EXOC7: variants seen among roughly 807,000 people sequenced by gnomAD.
EXOC7 encodes exocyst complex component Exo70.
Under a neutral mutation model 87.6 loss-of-function variants are expected in EXOC7, and 51 were observed. That is an observed-to-expected ratio of 0.58 (90% CI 0.46 to 0.73). The LOEUF (loss-of-function observed/expected upper bound fraction) is 0.73, where lower values mean the gene tolerates loss of function less well. EXOC7 is among the 30% of genes least tolerant of loss of function. EXOC7 has a pLI of 0.00. For missense variants in EXOC7, 744 were observed against 888.4 expected (o/e 0.84, Z 2.07); for synonymous variants, 327 against 357.1 (o/e 0.92, Z 0.95).
At chr17:76,093,362 G>C (rs1264210153) in intron 6 of EXOC7, 1 of 152,614 alleles carries the variant, frequency 6.6e-6, no homozygotes, top group Non-Finnish European at 1.5e-5. Flanking sequence ...TACTCCCTGA[G>C]GGCAGCCCCT....
chr17:76,103,700 A>G lies in EXOC7; in HGVS notation c.-8T>C. ...CTCCTGTGGGGGAATCATCGCTCTG[A>G]ACCCCGCGGCTCCCACTCCCCAGTA... On this transcript the variant is annotated 5_prime_UTR_variant, in exon 1 of 19. Transcript: ENST00000589210. 6.2e-7 allele frequency: 1 copy of G among 1,604,436 alleles called. No homozygotes were observed. The highest frequency in any genetic ancestry group is 8.5e-7 in the Non-Finnish European group (1 of 1,175,880).
chr17:76,085,234 T>C lies in EXOC7; in HGVS notation c.1712+80A>G, dbSNP rs536170332. ...GACAGGAGTTCCCCGTGACCGACTC[T>C]GTGTCCTGAGGTGCTGAGAAGGAAG... On this transcript the variant is annotated intron_variant, in intron 15 of 18. Transcript: ENST00000589210. 6 of 1,180,346 alleles carry C rather than the reference T, an allele frequency of 5.1e-6. No individual in the cohort carries two copies. In the Admixed American group the frequency reaches 6.0e-5, roughly 12 times the overall value. 73.1% of individuals were successfully genotyped at this position (1,180,346 alleles called of 1,614,324 possible).
intron 6 of EXOC7, 124 bp from the exon 7 acceptor site, chr17:76,091,359 T>C: frequency 1.4e-6 from 1 of 709,616 alleles, no homozygotes; most frequent in South Asian, 1.7e-5. Flanking sequence ...AGCAGGCCTT[T>C]CCCTGAGACC....
intron 1 of EXOC7, 49 bp from the exon 2 acceptor site, chr17:76,103,475 A>G: frequency 6.4e-7 from 1 of 1,561,726 alleles, no homozygotes; most frequent in South Asian, 1.2e-5. Flanking sequence ...AAGCTAAAGG[A>G]GACCACTGCG....
chr17:76,082,775 C>T lies in EXOC7; in HGVS notation c.*873G>A, dbSNP rs1025863311. On this transcript the variant is annotated 3_prime_UTR_variant, in exon 19 of 19. Transcript: ENST00000589210. ...CTCTCCCTCCGCTAGCACACAAGCA[C>T]AGAGCGTGAAATAAACCCATCTCCA... The T allele has an allele frequency of 9.2e-6, 9 of 980,772 alleles. No individual in the cohort carries two copies. The highest frequency in any genetic ancestry group is 2.7e-5 in the East Asian group (1 of 36,634). 60.8% of individuals were successfully genotyped at this position (980,772 alleles called of 1,614,324 possible).
chr17:76,087,943 A>G, intron 11 of EXOC7, 117 bp downstream of exon 11: 1 of 1,203,082 alleles, frequency 8.3e-7, no homozygotes, highest in Non-Finnish European at 1.2e-6. Context: ...CTGCTCACAA[A>G]GGTGCGAGCG....
chr17:76,100,505 C>T (rs1038271893), intron 4 of EXOC7, among the ~76,000 whole-genome samples: 3 of 151,466 alleles, frequency 2.0e-5, no homozygotes, highest in African/African-American at 4.8e-5. Flanking sequence ...AGAGTGGTGG[C>T]GCACACCCTC....
chr17:76,088,378 T>G, intron 10 of EXOC7, 86 bp downstream of exon 10: 1 of 1,365,438 alleles, frequency 7.3e-7, no homozygotes, highest in Non-Finnish European at 1.0e-6. Flanking sequence ...CGCACCCTCT[T>G]GGAGGCCTGC....
intron 7 of EXOC7, chr17:76,090,229 A>G: frequency 7.3e-7 from 1 of 1,362,718 alleles, no homozygotes; most frequent in Non-Finnish European, 1.0e-6. Flanking sequence ...CCATCCTCAG[A>G]GCAGAGTGGG....
intron 6 of EXOC7, 32 bp from the exon 7 acceptor site, chr17:76,091,267 G>A: frequency 6.3e-7 from 1 of 1,591,360 alleles, no homozygotes; most frequent in Non-Finnish European, 8.6e-7. Flanking sequence ...GAGGAGATAA[G>A]AAGACCTAGG....
chr17:76,088,388 C>T, intron 10 of EXOC7, 76 bp downstream of exon 10: 3 of 1,438,440 alleles, frequency 2.1e-6, no homozygotes, highest in Non-Finnish European at 2.9e-6. Flanking sequence ...TGGAGGCCTG[C>T]TCTGAGAGTC....
chr17:76,099,210 A>G (rs2067935233), intron 4 of EXOC7, among the ~76,000 whole-genome samples: 1 of 152,238 alleles, frequency 6.6e-6, no homozygotes. Context: ...AAATGGCTAA[A>G]GAAAATGTGG....
chr17:76,087,569 T>G, intron 12 of EXOC7, 85 bp downstream of exon 12: 2 of 1,347,668 alleles, frequency 1.5e-6, no homozygotes, highest in South Asian at 2.5e-5. Flanking sequence ...TGGAGATACC[T>G]CCTCACTGCT....
chr17:76,094,384 T>C, intron 6 of EXOC7, 30 bp downstream of exon 6: 1 of 1,600,674 alleles, frequency 6.2e-7, no homozygotes, highest in South Asian at 1.1e-5. Flanking sequence ...CCTCTGGCTG[T>C]TGCAGAGATG....
In EXOC7 at chr17:76,084,691, A is replaced by G. The variant is rs937733509; in HGVS notation, c.1713-111T>C. The G allele has an allele frequency of 2.7e-5, 24 of 882,980 alleles. No homozygotes were observed. In the African/African-American group the frequency reaches 3.8e-4, roughly 14 times the overall value. 54.7% of individuals were successfully genotyped at this position (882,980 alleles called of 1,614,324 possible). On this transcript the variant is annotated intron_variant, in intron 15 of 18. Transcript: ENST00000589210. ...ACTTGGTGGGTGGTGGTAGGAAGGG[A>G]TGTGGGTCACAACTAAGCAAACAAC...
intron 2 of EXOC7, 169 bp downstream of exon 2, chr17:76,103,192 A>AG: frequency 3.2e-6 from 2 of 630,680 alleles, no homozygotes; most frequent in South Asian, 3.7e-5. Context: ...GAACATGGGG[A>AG]GGGGGCTAGG....
chr17:76,087,261 C>T (rs1438136275), intron 12 of EXOC7: 3 of 373,268 alleles, frequency 8.0e-6, no homozygotes, highest in Non-Finnish European at 1.5e-5. Context: ...AGGAAGACGC[C>T]CAGCGGGCCC....
chr17:76,100,144 C>T (rs1233814243), intron 4 of EXOC7, among the ~76,000 whole-genome samples: 1 of 151,882 alleles, frequency 6.6e-6, no homozygotes, highest in Non-Finnish European at 1.5e-5. Flanking sequence ...GATTCAAGTT[C>T]CTAGAGTAGA....
At position 76,081,999 on chromosome 17, in the gene EXOC7, C is replaced by A; in HGVS notation, c.*1649G>T. The A allele has an allele frequency of 6.2e-7, 1 of 1,611,848 alleles. No homozygotes were observed. The highest frequency in any genetic ancestry group is 8.5e-7 in the Non-Finnish European group (1 of 1,179,568). The stretch of plus-strand genomic sequence containing the variant: ...GCCAAGAGCGGCCCCAGCCCAGCCC[C>A]GAGAGGGGAACAGCGAGAGCACGGC... On this transcript the variant is annotated 3_prime_UTR_variant, in exon 19 of 19. Transcript: ENST00000589210.
Sources: gnomAD v4.1 joint callset for allele counts (sites outside exome capture counted in the v4.1 genomes callset) on GRCh38, gnomAD v4.1.1 for gene constraint, MANE v1.5 for transcripts, NCBI Gene and HGNC (gene_info 2026-07-23, HGNC 2026-07-21) for gene names.